The following GPC6 variants were observed in gnomAD, a reference collection of about 807,000 sequenced individuals.
GPC6 encodes glypican-6.
A neutral mutation model predicts 55.2 loss-of-function variants in GPC6; 14 were observed. That is an observed-to-expected ratio of 0.25 (90% CI 0.17 to 0.40). GPC6 has a LOEUF of 0.40. Among genes scored for constraint, GPC6 ranks in the 10% least tolerant of loss-of-function variants. The pLI is 1.00. For missense variants in GPC6, 641 were observed against 708.5 expected (o/e 0.90, Z 1.08); for synonymous variants, 278 against 259.6 (o/e 1.07, Z -0.68).
At chr13:94,261,969 C>A (rs748408187) in intron 4 of GPC6, among the ~76,000 whole-genome samples, 3 of 152,148 alleles carry the variant, frequency 2.0e-5, no homozygotes, top group Non-Finnish European at 2.9e-5. Context: ...AAGATATTTG[C>A]ACATGTTCAA....
intron 1 of GPC6, among the ~76,000 whole-genome samples, chr13:93,491,598 G>A (rs867891902): frequency 2.1e-4 from 31 of 144,950 alleles, no homozygotes; most frequent in African/African-American, 7.6e-4. Flanking sequence ...CCTTGCCCAC[G>A]CCTGTGTCCT....
chr13:93,799,080 A>G (rs1308350209), intron 2 of GPC6, among the ~76,000 whole-genome samples: 1 of 152,160 alleles, frequency 6.6e-6, no homozygotes. Context: ...ATCTGCTACT[A>G]AAATCTGTTT....
At chr13:94,149,953 C>T (rs1434741063) in intron 4 of GPC6, among the ~76,000 whole-genome samples, 1 of 151,658 alleles carries the variant, frequency 6.6e-6, no homozygotes, top group African/African-American at 2.4e-5. Flanking sequence ...TCGCATCACT[C>T]AGCATGCTGC....
In GPC6 at chr13:93,886,942, G is replaced by A. The variant is rs186828031; in HGVS notation, c.711+56397G>A. Among the ~76,000 whole-genome samples the A allele has an allele frequency of 1.3e-4, 20 of 151,588 alleles. No homozygotes were observed. In the East Asian group the frequency reaches 2.9e-3, roughly 22 times the overall value. The stretch of plus-strand genomic sequence containing the variant: ...TATGTGGAATACATGCGTCTAACTG[G>A]ACCTACTATGTAAATATACACATGG... On this transcript the variant is annotated intron_variant, in intron 3 of 8. Coordinates refer to ENST00000377047, the MANE Select transcript of GPC6 (RefSeq NM_005708.5).
At chr13:93,747,080 T>C (rs1217987680) in intron 2 of GPC6, among the ~76,000 whole-genome samples, 3 of 152,230 alleles carry the variant, frequency 2.0e-5, no homozygotes, top group Non-Finnish European at 4.4e-5. Flanking sequence ...AAGATATTCA[T>C]GAGCTTGTTG....
At chr13:93,291,214 T>C (rs1878310075) in intron 1 of GPC6, among the ~76,000 whole-genome samples, 1 of 152,176 alleles carries the variant, frequency 6.6e-6, no homozygotes, top group South Asian at 2.1e-4. Context: ...CATCCACATC[T>C]TGATGGCCAG....
At chr13:93,923,442 C>G (rs1483949050) in intron 3 of GPC6, among the ~76,000 whole-genome samples, 2 of 151,874 alleles carry the variant, frequency 1.3e-5, no homozygotes, top group Non-Finnish European at 2.9e-5. Flanking sequence ...TCACCAAAAT[C>G]CCTTGGAGAG....
At chr13:93,977,505 TGTGTGTGTGTGTGG>T (rs1461666354) in intron 3 of GPC6, among the ~76,000 whole-genome samples, 142 of 146,864 alleles carry the variant, frequency 9.7e-4, no homozygotes, top group African/African-American at 3.1e-3. Flanking sequence ...TGTGTGTGTG[TGTGTGTGTGTGTGG>T]TGTGTCTTTA....
At chr13:94,011,511 A>T (rs1387864140) in intron 3 of GPC6, among the ~76,000 whole-genome samples, 1 of 152,184 alleles carries the variant, frequency 6.6e-6, no homozygotes, top group Non-Finnish European at 1.5e-5. Flanking sequence ...TCTTGGGAAT[A>T]CTGAAAATAC....
intron 2 of GPC6, among the ~76,000 whole-genome samples, chr13:93,551,338 A>C (rs1433710133): frequency 1.3e-5 from 2 of 151,984 alleles, no homozygotes; most frequent in Non-Finnish European, 2.9e-5. Context: ...TTCAGGGCAT[A>C]AACAAGAAGT....
chr13:94,375,316 GA>G (rs1407205424), intron 6 of GPC6, among the ~76,000 whole-genome samples: 1 of 151,752 alleles, frequency 6.6e-6, no homozygotes, highest in South Asian at 2.1e-4. Context: ...GACTAATAAA[GA>G]AAAAAAGAGA....
intron 2 of GPC6, among the ~76,000 whole-genome samples, chr13:93,682,403 A>C: frequency 6.6e-6 from 1 of 152,124 alleles, no homozygotes; most frequent in Non-Finnish European, 1.5e-5. Flanking sequence ...TTATGCGTAC[A>C]CACAAACCAG....
At chr13:93,707,706 T>C (rs191764469) in intron 2 of GPC6, among the ~76,000 whole-genome samples, 2 of 151,938 alleles carry the variant, frequency 1.3e-5, no homozygotes, top group Admixed American at 1.3e-4. Flanking sequence ...TTTTATTTCT[T>C]ATTTCTTGTG....
At chr13:93,755,652 A>G (rs1282179559) in intron 2 of GPC6, among the ~76,000 whole-genome samples, 2 of 152,314 alleles carry the variant, frequency 1.3e-5, no homozygotes, top group Non-Finnish European at 1.5e-5. Context: ...ACTATCTGCT[A>G]AAAGGGTTAA....
chr13:93,802,693 G>A (rs1180559237), intron 2 of GPC6, among the ~76,000 whole-genome samples: 1 of 152,022 alleles, frequency 6.6e-6, no homozygotes. Context: ...CCACCATGCT[G>A]GGGCTGAAAA....
intron 1 of GPC6, among the ~76,000 whole-genome samples, chr13:93,389,458 C>T (rs917163461): frequency 1.4e-4 from 21 of 149,470 alleles, no homozygotes; most frequent in African/African-American, 4.7e-4. Context: ...GAGCCGAGAT[C>T]GCACCACTGC....
At position 93,227,640 on chromosome 13, in the gene GPC6, G is replaced by A. The variant is rs986141642; in HGVS notation, c.160+24G>A. ...AGGTAAGCGCGGGCGCGCTGCAGGG[G>A]CAGGCTGCAGCCCTCGGCTGCCGCA... On this transcript the variant is annotated intron_variant, in intron 1 of 8. Coordinates refer to ENST00000377047, the MANE Select transcript of GPC6 (RefSeq NM_005708.5). This position sits in a 1 kb window ranked among gnomAD's most constrained non-coding sequence, Gnocchi z 4.3. 1.9e-6 allele frequency: 3 copies of A among 1,568,316 alleles called. No homozygotes were observed. The highest frequency in any genetic ancestry group is 2.3e-5 in the East Asian group (1 of 43,418).
In GPC6 at chr13:93,613,021, G is replaced by A. The variant is rs1045795458; in HGVS notation, c.319+67600G>A. Among the ~76,000 whole-genome samples, 65 of 152,148 alleles carry A rather than the reference G, an allele frequency of 4.3e-4. 3 individuals are homozygous for A. The highest frequency in any genetic ancestry group is 4.3e-3 in the Admixed American group (65 of 15,266). ...CTTCTAAGTGTAACCTAACAGTTGT[G>A]AAGAGTAGAATCCTGTTCACTTTAA... On this transcript the variant is annotated intron_variant, in intron 2 of 8. Transcript: ENST00000377047.
chr13:93,912,635 C>T (rs959750066), intron 3 of GPC6, among the ~76,000 whole-genome samples: 5 of 151,974 alleles, frequency 3.3e-5, no homozygotes, highest in African/African-American at 9.7e-5. Context: ...CCCAGCTACT[C>T]GGGAGGCTGA....
Sources: gnomAD v4.1 joint callset for allele counts (sites outside exome capture counted in the v4.1 genomes callset) on GRCh38, gnomAD v4.1.1 for gene constraint, Gnocchi (gnomAD v3.1) non-coding constraint, MANE v1.5 for transcripts, NCBI Gene and HGNC (gene_info 2026-07-23, HGNC 2026-07-21) for gene names.